The following IQSEC1 variants were observed in gnomAD, a reference collection of about 807,000 sequenced individuals.
The protein encoded by IQSEC1 is IQ motif and SEC7 domain-containing protein 1.
IQSEC1 carries 31 observed loss-of-function variants against 91.0 expected under a neutral mutation model. The ratio of observed to expected loss-of-function variants is 0.34; its 90% CI spans 0.26 to 0.46. The LOEUF is 0.46. IQSEC1 is among the 20% of genes least tolerant of loss of function. The probability of loss-of-function intolerance (pLI) is 1.00; values close to 1 mark genes in which losing one functional copy is unlikely to be tolerated. For synonymous variants in IQSEC1, 699 were observed against 662.6 expected, an observed-to-expected ratio of 1.05 and a Z score of -0.84; for missense variants, 1,388 against 1,575.6, an observed-to-expected ratio of 0.88 and a Z score of 2.02.
intron 2 of IQSEC1, among the ~76,000 whole-genome samples, chr3:13,131,391 AT>A (rs1706613453): frequency 6.6e-6 from 1 of 151,366 alleles, no homozygotes; most frequent in East Asian, 1.9e-4. Context: ...TAAAAAAAAA[AT>A]CTAACCTAAA....
intron 2 of IQSEC1, among the ~76,000 whole-genome samples, chr3:12,938,832 G>T (rs964182875): frequency 6.6e-6 from 1 of 152,174 alleles, no homozygotes; most frequent in African/African-American, 2.4e-5. Flanking sequence ...ACCTGTGTGT[G>T]TTGGGGGCGA....
At chr3:13,225,257 G>T (rs1390441119) in intron 1 of IQSEC1, among the ~76,000 whole-genome samples, 1 of 152,224 alleles carries the variant, frequency 6.6e-6, no homozygotes, top group Non-Finnish European at 1.5e-5. Context: ...TTCCCCTGTG[G>T]TCAGTTAGTT....
chr3:13,085,876 C>A (rs961402333), intron 2 of IQSEC1, among the ~76,000 whole-genome samples: 1 of 152,242 alleles, frequency 6.6e-6, no homozygotes. Context: ...AGTGTCTTCA[C>A]CTCTCTCTTC....
intron 1 of IQSEC1, among the ~76,000 whole-genome samples, chr3:13,245,851 T>C (rs2125109032): frequency 6.6e-6 from 1 of 151,998 alleles, no homozygotes; most frequent in South Asian, 2.1e-4. Flanking sequence ...TCCATGGCCT[T>C]TCCTGCTAGA....
intron 1 of IQSEC1, among the ~76,000 whole-genome samples, chr3:13,068,987 T>C (rs1211714190): frequency 6.6e-6 from 1 of 152,224 alleles, no homozygotes; most frequent in Non-Finnish European, 1.5e-5. Context: ...GAACACTAGC[T>C]GAAGGCAGGG....
rs1696908270 is a variant in IQSEC1 at position 12,924,216 on chromosome 3, C to T, written c.1730+365G>A. ...ACGTCCAGCTGCCTGCTCCTGCCAG[C>T]CCTGCCATGAGAAGCTGCAGGAACA... On this transcript the variant is annotated intron_variant, in intron 4 of 13. Coordinates refer to ENST00000613206, the MANE Select transcript of IQSEC1 (RefSeq NM_001134382.3). This position sits in a 1 kb window ranked among gnomAD's most constrained non-coding sequence, Gnocchi z 6.3. Among the ~76,000 whole-genome samples, 1 of 152,194 alleles carries T rather than the reference C, an allele frequency of 6.6e-6. No individual in the cohort carries two copies. The highest frequency in any genetic ancestry group is 2.1e-4 in the South Asian group (1 of 4,830).
In IQSEC1 at chr3:12,901,082, G is replaced by T. The variant is rs751499426; in HGVS notation, c.3246C>A (p.Ala1082=). 9 of 1,541,058 alleles carry T rather than the reference G, an allele frequency of 5.8e-6. No homozygotes were observed. In the Admixed American group the frequency reaches 1.8e-4, roughly 30 times the overall value. The stretch of plus-strand genomic sequence containing the variant: ...GGTGGTGCACTGTGTGCCCCACGTG[G>T]GCCGAGGGCAGCGGCGGGTGGCCGT... ...HAHGHPPLPS[A]HVGHTVHHHG... Residue 1082 remains alanine (A), a synonymous_variant, in exon 14 of 14, where the codon GCC becomes GCA. Coordinates refer to ENST00000613206, the MANE Select transcript of IQSEC1 (RefSeq NM_001134382.3).
At chr3:13,239,377 A>G (rs545924475) in intron 1 of IQSEC1, among the ~76,000 whole-genome samples, 21 of 152,252 alleles carry the variant, frequency 1.4e-4, no homozygotes, top group African/African-American at 4.8e-4. Flanking sequence ...ACAGGAACCC[A>G]TGGATTTGGC....
intron 1 of IQSEC1, among the ~76,000 whole-genome samples, chr3:13,062,626 C>T (rs1705102467): frequency 6.6e-6 from 1 of 152,046 alleles, no homozygotes; most frequent in African/African-American, 2.4e-5. Flanking sequence ...TCTCTGCAGC[C>T]CAGAGATGGC....
At chr3:13,024,769 A>G (rs1703549622) in intron 1 of IQSEC1, among the ~76,000 whole-genome samples, 1 of 152,124 alleles carries the variant, frequency 6.6e-6, no homozygotes, top group Non-Finnish European at 1.5e-5. Context: ...CCATCCACTC[A>G]TCGGGGACAT....
intron 1 of IQSEC1, among the ~76,000 whole-genome samples, chr3:13,187,237 T>A (rs1046996031): frequency 5.9e-5 from 9 of 152,096 alleles, no homozygotes; most frequent in Non-Finnish European, 1.3e-4. Context: ...GAGCTTGCAG[T>A]CTAGCTGGAT....
chr3:13,047,719 C>G (rs1704552224), intron 1 of IQSEC1, among the ~76,000 whole-genome samples: 1 of 151,974 alleles, frequency 6.6e-6, no homozygotes, highest in Non-Finnish European at 1.5e-5. Flanking sequence ...AACTGAGAAG[C>G]TGCCTTGTCT....
intron 2 of IQSEC1, among the ~76,000 whole-genome samples, chr3:13,162,746 T>A (rs1216206054): frequency 6.6e-6 from 1 of 152,174 alleles, no homozygotes; most frequent in Non-Finnish European, 1.5e-5. Flanking sequence ...TTCTCCATCG[T>A]GCACCAGGGC....
chr3:13,072,814 C>G (rs1190770586), intron 1 of IQSEC1, among the ~76,000 whole-genome samples, 178 bp downstream of exon 1: 3 of 152,226 alleles, frequency 2.0e-5, no homozygotes, highest in African/African-American at 7.2e-5. Flanking sequence ...TCATCACCAA[C>G]AAACACCTCC....
chr3:13,121,779 C>T (rs1449744200), intron 2 of IQSEC1, among the ~76,000 whole-genome samples: 2 of 152,220 alleles, frequency 1.3e-5, no homozygotes, highest in African/African-American at 4.8e-5. Flanking sequence ...GCTGGAGCAA[C>T]AGGGCGGCCC....
At chr3:13,204,380 G>C (rs1694302572) in intron 1 of IQSEC1, among the ~76,000 whole-genome samples, 1 of 152,282 alleles carries the variant, frequency 6.6e-6, no homozygotes, top group Admixed American at 6.5e-5. Flanking sequence ...CTGTACGACA[G>C]AGCACCGCCC....
chr3:12,926,259 G>A (rs1296083923), intron 3 of IQSEC1, among the ~76,000 whole-genome samples: 3 of 151,414 alleles, frequency 2.0e-5, no homozygotes, highest in Non-Finnish European at 2.9e-5. Context: ...ACGGTGAGCC[G>A]AGATTGTACC....
intron 1 of IQSEC1, among the ~76,000 whole-genome samples, chr3:12,961,817 C>T (rs564596704): frequency 6.6e-6 from 1 of 152,304 alleles, no homozygotes; most frequent in African/African-American, 2.4e-5. Context: ...ACAACAACTC[C>T]ATGGCCTCCT....
chr3:13,132,185 C>T (rs530222521), intron 2 of IQSEC1, among the ~76,000 whole-genome samples: 8 of 152,158 alleles, frequency 5.3e-5, no homozygotes, highest in Non-Finnish European at 1.0e-4. Context: ...TGATCCTTAG[C>T]GGCTTGTTTT....
Sources: gnomAD v4.1 joint callset for allele counts (sites outside exome capture counted in the v4.1 genomes callset) on GRCh38, gnomAD v4.1.1 for gene constraint, Gnocchi (gnomAD v3.1) non-coding constraint, MANE v1.5 for transcripts, NCBI Gene and HGNC (gene_info 2026-07-23, HGNC 2026-07-21) for gene names.